Variants in THSD7B observed in about 807,000 individuals in gnomAD.
THSD7B encodes the protein thrombospondin type-1 domain-containing protein 7B.
THSD7B carries 138 observed loss-of-function variants against 213.6 expected under a neutral mutation model. The ratio of observed to expected loss-of-function variants is 0.65; its 90% CI spans 0.56 to 0.74. The LOEUF (loss-of-function observed/expected upper bound fraction) is 0.74. Ranked by LOEUF, THSD7B falls within the 30% of genes least tolerant of loss-of-function variation. The pLI is 0.00. For synonymous variants in THSD7B, 742 were observed against 687.0 expected, an observed-to-expected ratio of 1.08 and a Z score of -1.25; for missense variants, 1,931 against 1,991.5, an observed-to-expected ratio of 0.97 and a Z score of 0.58.
At chr2:136,923,557 AT>A (rs1474598166) in intron 2 of THSD7B, among the ~76,000 whole-genome samples, 2 of 152,110 alleles carry the variant, frequency 1.3e-5, no homozygotes, top group African/African-American at 2.4e-5. Context: ...TGCCTGCCCT[AT>A]TTTACATCTC....
rs1054225168 is a variant in THSD7B, at chr2:137,414,922, G to A, written c.2959+3050G>A. ...AATACAAAAATTAGCCAGGTGTGGT[G>A]GCAGGTGCCTGTAATCCCAGCTACT... On this transcript the variant is annotated intron_variant, in intron 14 of 27. Transcript: ENST00000409968. Among the ~76,000 whole-genome samples, 32 of 151,890 alleles carry A rather than the reference G, an allele frequency of 2.1e-4. 1 individual carries two copies. The highest frequency in any genetic ancestry group is 4.4e-4 in the Non-Finnish European group (30 of 67,976).
intron 15 of THSD7B, among the ~76,000 whole-genome samples, chr2:137,523,304 C>T (rs897332438): frequency 1.3e-5 from 2 of 152,144 alleles, no homozygotes; most frequent in Admixed American, 1.3e-4. Flanking sequence ...TTCACATTTC[C>T]AAGCCCAGAA....
At chr2:136,900,894 G>A (rs1021672778) in intron 2 of THSD7B, among the ~76,000 whole-genome samples, 1 of 152,142 alleles carries the variant, frequency 6.6e-6, no homozygotes, top group Non-Finnish European at 1.5e-5. Context: ...AAATGAGTAG[G>A]TGAGTATATG....
chr2:137,508,469 C>T (rs1179318351), intron 15 of THSD7B, among the ~76,000 whole-genome samples: 2 of 150,896 alleles, frequency 1.3e-5, no homozygotes, highest in African/African-American at 4.9e-5. Context: ...CTCCGCCTCC[C>T]GGGTTCACGC....
chr2:137,602,149 T>C (rs1423800566), intron 17 of THSD7B, among the ~76,000 whole-genome samples: 1 of 152,216 alleles, frequency 6.6e-6, no homozygotes, highest in African/African-American at 2.4e-5. Flanking sequence ...GCTATATTAA[T>C]TGAGAGTGGA....
intron 2 of THSD7B, 69 bp from the exon 3 acceptor site, chr2:137,056,351 C>G: frequency 1.4e-6 from 2 of 1,472,326 alleles, no homozygotes; most frequent in Non-Finnish European, 1.8e-6. Flanking sequence ...TGTTAATTGA[C>G]TTCTACTTAC....
At chr2:137,139,304 T>C (rs1679533711) in intron 5 of THSD7B, among the ~76,000 whole-genome samples, 1 of 152,166 alleles carries the variant, frequency 6.6e-6, no homozygotes, top group South Asian at 2.1e-4. Flanking sequence ...CTCCATTCTT[T>C]TAGATGGACA....
chr2:137,665,889 A>C (rs955022752), intron 26 of THSD7B, among the ~76,000 whole-genome samples: 1 of 151,620 alleles, frequency 6.6e-6, no homozygotes, highest in African/African-American at 2.4e-5. Flanking sequence ...GAAAAAGTAC[A>C]AATCAAAGTG....
chr2:137,378,328 A>T (rs1685704883), intron 12 of THSD7B, among the ~76,000 whole-genome samples: 1 of 152,216 alleles, frequency 6.6e-6, no homozygotes, highest in Admixed American at 6.5e-5. Context: ...AAAAGGAAGG[A>T]GTGGCTAAAG....
intron 7 of THSD7B, among the ~76,000 whole-genome samples, chr2:137,179,046 A>C (rs1291419891): frequency 6.6e-6 from 1 of 152,094 alleles, no homozygotes; most frequent in Admixed American, 6.5e-5. Context: ...TCTCTTCTGA[A>C]ATTCTTCTTA....
chr2:137,407,602 A>G (rs2105007605), intron 13 of THSD7B, among the ~76,000 whole-genome samples: 1 of 152,292 alleles, frequency 6.6e-6, no homozygotes, highest in East Asian at 1.9e-4. Context: ...AATGCAATAA[A>G]CAATCTCTAA....
chr2:137,034,470 G>T (rs922501925), intron 2 of THSD7B, among the ~76,000 whole-genome samples: 3 of 152,080 alleles, frequency 2.0e-5, no homozygotes, highest in Non-Finnish European at 2.9e-5. Flanking sequence ...TGAACATGCA[G>T]GTTTTTTACA....
chr2:137,358,252 AT>A (rs1035183274), intron 12 of THSD7B, among the ~76,000 whole-genome samples: 1 of 152,292 alleles, frequency 6.6e-6, no homozygotes, highest in East Asian at 1.9e-4. Context: ...GAAAAGACAC[AT>A]TTTTTAAATT....
At chr2:136,977,466 C>T (rs1414570241) in intron 2 of THSD7B, among the ~76,000 whole-genome samples, 3 of 152,088 alleles carry the variant, frequency 2.0e-5, no homozygotes, top group African/African-American at 7.2e-5. Flanking sequence ...TCCTTCAGTG[C>T]TGCTCTGATC....
intron 15 of THSD7B, among the ~76,000 whole-genome samples, chr2:137,522,166 G>A (rs1680197526): frequency 6.6e-6 from 1 of 152,156 alleles, no homozygotes; most frequent in African/African-American, 2.4e-5. Context: ...GACTCCCCAT[G>A]AGTGCTCTAT....
intron 2 of THSD7B, among the ~76,000 whole-genome samples, chr2:136,901,190 T>G (rs4954448): frequency 0.11 from 16,482 of 152,280 alleles, 1,099 homozygotes; most frequent in Middle Eastern, 0.17. Context: ...CAGTAAATAT[T>G]GCTTGGGCAC....
At chr2:137,508,063 T>C (rs1679876796) in intron 15 of THSD7B, among the ~76,000 whole-genome samples, 1 of 152,210 alleles carries the variant, frequency 6.6e-6, no homozygotes, top group African/African-American at 2.4e-5. Flanking sequence ...AGTTAGTATT[T>C]GCAAAACAAT....
At chr2:137,244,344 A>C (rs1040060253) in intron 10 of THSD7B, among the ~76,000 whole-genome samples, 2 of 152,202 alleles carry the variant, frequency 1.3e-5, no homozygotes, top group African/African-American at 4.8e-5. Context: ...ATTTAAGAGA[A>C]TACCCCACCA....
chr2:137,167,050 A>G (rs1422506837), intron 6 of THSD7B, among the ~76,000 whole-genome samples: 39 of 152,184 alleles, frequency 2.6e-4, no homozygotes, highest in Admixed American at 2.5e-3. Flanking sequence ...AAGCTTCAAT[A>G]TGCTCAGATT....
Sources: gnomAD v4.1 joint callset for allele counts (sites outside exome capture counted in the v4.1 genomes callset) on GRCh38, gnomAD v4.1.1 for gene constraint, MANE v1.5 for transcripts, NCBI Gene and HGNC (gene_info 2026-07-23, HGNC 2026-07-21) for gene names.